The following ZBTB20 variants were observed in gnomAD, a reference collection of about 807,000 sequenced individuals.
ZBTB20 encodes zinc finger and BTB domain containing 20, also known as zinc finger and BTB domain-containing protein 20.
Under a neutral mutation model 56.9 loss-of-function variants are expected in ZBTB20, and 9 were observed. That is an observed-to-expected ratio of 0.16 (90% CI 0.10 to 0.28). The LOEUF (loss-of-function observed/expected upper bound fraction) is 0.28. Among genes scored for constraint, ZBTB20 ranks in the 10% least tolerant of loss-of-function variants. ZBTB20 has a pLI of 1.00. For missense variants in ZBTB20, 655 were observed against 1,003.0 expected, an observed-to-expected ratio of 0.65 and a Z score of 4.69; for synonymous variants, 417 against 420.7, an observed-to-expected ratio of 0.99 and a Z score of 0.11.
intron 6 of ZBTB20, among the ~76,000 whole-genome samples, chr3:114,597,430 C>T (rs2056409315): frequency 6.6e-6 from 1 of 152,136 alleles, no homozygotes. Context: ...AGCTTTTTTA[C>T]TTTGAAAGTT....
At position 114,338,476 on chromosome 3, in the gene ZBTB20, T is replaced by C. The variant is rs1329817690; in HGVS notation, c.*529A>G. On this transcript the variant is annotated 3_prime_UTR_variant, in exon 12 of 12. Coordinates refer to ENST00000675478, the MANE Select transcript of ZBTB20 (RefSeq NM_001348800.3). ...GTGGTAGGTGGAAAACAGCAGGGCC[T>C]TTCCTCTGGGTTTTCAACCAGAAGT... 2 of 152,362 alleles carry C rather than the reference T, an allele frequency of 1.3e-5. No individual in the cohort carries two copies. The highest frequency in any genetic ancestry group is 2.1e-4 in the South Asian group (1 of 4,828). The allele number at this position is 152,362 out of a possible 1,614,324, so 9.4% of individuals were successfully genotyped here. A position where few individuals can be genotyped will look rare whatever the true frequency, so the allele number is the denominator to read the frequency against.
At chr3:114,782,877 T>A (rs2070207458) in intron 5 of ZBTB20, among the ~76,000 whole-genome samples, 1 of 152,186 alleles carries the variant, frequency 6.6e-6, no homozygotes, top group South Asian at 2.1e-4. Context: ...GACATAAACA[T>A]CAAAGGTATT....
At chr3:114,440,196 T>C (rs557591214) in intron 7 of ZBTB20, among the ~76,000 whole-genome samples, 2 of 152,288 alleles carry the variant, frequency 1.3e-5, no homozygotes, top group Admixed American at 6.5e-5. Context: ...AATAGATAGC[T>C]ACGATATATA....
chr3:114,429,120 G>A (rs1354553144), intron 7 of ZBTB20, among the ~76,000 whole-genome samples: 1 of 152,126 alleles, frequency 6.6e-6, no homozygotes, highest in African/African-American at 2.4e-5. Context: ...AGAAGCCACG[G>A]ACTAGATTCA....
chr3:114,727,798 A>G (rs898401346), intron 5 of ZBTB20, among the ~76,000 whole-genome samples: 30 of 152,188 alleles, frequency 2.0e-4, no homozygotes, highest in South Asian at 4.1e-4. Context: ...CTAGCAATTT[A>G]TCTTTCCTTA....
intron 7 of ZBTB20, among the ~76,000 whole-genome samples, chr3:114,451,733 A>G (rs1220168413): frequency 3.9e-5 from 6 of 152,198 alleles, no homozygotes; most frequent in African/African-American, 1.4e-4. Context: ...GATATCTGAT[A>G]GTGCAGGACA....
intron 7 of ZBTB20, among the ~76,000 whole-genome samples, chr3:114,458,131 G>C (rs1318863588): frequency 6.6e-6 from 1 of 152,084 alleles, no homozygotes; most frequent in Admixed American, 6.6e-5. Context: ...TGACCACCCA[G>C]GGCATTTAAA....
intron 6 of ZBTB20, among the ~76,000 whole-genome samples, chr3:114,680,652 T>A (rs2061917316): frequency 6.6e-6 from 1 of 152,196 alleles, no homozygotes; most frequent in African/African-American, 2.4e-5. Flanking sequence ...TTGAATAAAT[T>A]AAAAGCTGCT....
intron 5 of ZBTB20, among the ~76,000 whole-genome samples, chr3:114,763,365 T>C (rs543713685): frequency 1.3e-5 from 2 of 152,332 alleles, no homozygotes; most frequent in Non-Finnish European, 2.9e-5. Flanking sequence ...CCCTGTGACC[T>C]TGCTATGAGA....
intron 1 of ZBTB20, among the ~76,000 whole-genome samples, chr3:115,104,424 C>T (rs2083665911): frequency 2.6e-5 from 4 of 151,986 alleles, no homozygotes; most frequent in African/African-American, 9.7e-5. Flanking sequence ...TCATAATTGC[C>T]AATATTTGGA....
intron 5 of ZBTB20, among the ~76,000 whole-genome samples, chr3:114,755,751 G>A (rs1039229585): frequency 3.9e-5 from 6 of 152,064 alleles, no homozygotes; most frequent in Non-Finnish European, 7.4e-5. Flanking sequence ...GGAAGGTACT[G>A]CTTCTGCTTC....
chr3:115,082,954 A>G (rs1349715443), intron 1 of ZBTB20, among the ~76,000 whole-genome samples: 4 of 152,094 alleles, frequency 2.6e-5, no homozygotes, highest in Non-Finnish European at 4.4e-5. Flanking sequence ...TTCAAAGTCA[A>G]ACAGGTCTAT....
At chr3:114,461,643 A>G (rs755365825) in intron 7 of ZBTB20, among the ~76,000 whole-genome samples, 1 of 152,164 alleles carries the variant, frequency 6.6e-6, no homozygotes, top group Non-Finnish European at 1.5e-5. Flanking sequence ...GCCATAGTGT[A>G]TCATTGCCAT....
chr3:114,811,168 C>G (rs1485796723), intron 4 of ZBTB20, among the ~76,000 whole-genome samples: 1 of 152,196 alleles, frequency 6.6e-6, no homozygotes, highest in Non-Finnish European at 1.5e-5. Flanking sequence ...GCTCAGAGAT[C>G]TAAGCAGGTC....
At chr3:114,887,756 T>C (rs1030675655) in intron 4 of ZBTB20, among the ~76,000 whole-genome samples, 4 of 152,170 alleles carry the variant, frequency 2.6e-5, no homozygotes, top group Non-Finnish European at 4.4e-5. Flanking sequence ...CAGTTTATCA[T>C]AATTTACTAC....
At chr3:114,485,255 C>A (rs1013933097) in intron 7 of ZBTB20, among the ~76,000 whole-genome samples, 1 of 152,202 alleles carries the variant, frequency 6.6e-6, no homozygotes, top group African/African-American at 2.4e-5. Context: ...TGAGAGGAAA[C>A]TAAAACCCTA....
intron 1 of ZBTB20, among the ~76,000 whole-genome samples, chr3:115,140,475 A>G (rs1428389819): frequency 6.6e-6 from 1 of 152,096 alleles, no homozygotes; most frequent in South Asian, 2.1e-4. Flanking sequence ...AAACCATGGA[A>G]AAGGCCATTT....
At chr3:115,023,276 T>C (rs937083201) in intron 2 of ZBTB20, among the ~76,000 whole-genome samples, 2 of 151,032 alleles carry the variant, frequency 1.3e-5, no homozygotes, top group African/African-American at 4.8e-5. Context: ...GTTTACTTTC[T>C]ATTCATAGCT....
At chr3:114,650,364 T>C (rs2060067382) in intron 6 of ZBTB20, among the ~76,000 whole-genome samples, 1 of 151,902 alleles carries the variant, frequency 6.6e-6, no homozygotes, top group African/African-American at 2.4e-5. Flanking sequence ...GCATTGGCCT[T>C]TACTAACCAT....
Sources: gnomAD v4.1 joint callset for allele counts (sites outside exome capture counted in the v4.1 genomes callset) on GRCh38, gnomAD v4.1.1 for gene constraint, MANE v1.5 for transcripts, NCBI Gene and HGNC (gene_info 2026-07-23, HGNC 2026-07-21) for gene names.